PARD3: variants seen among roughly 807,000 people sequenced by gnomAD.
PARD3 encodes par-3 family cell polarity regulator, also known as partitioning defective 3 homolog.
Under a neutral mutation model 155.4 loss-of-function variants are expected in PARD3, and 75 were observed. The ratio of observed to expected loss-of-function variants is 0.48; its 90% CI spans 0.40 to 0.58. The LOEUF (loss-of-function observed/expected upper bound fraction) is 0.58. Ranked by LOEUF, PARD3 falls within the 20% of genes least tolerant of loss-of-function variation. The pLI, the probability that PARD3 is intolerant of heterozygous loss-of-function variation, is 0.00. For missense variants in PARD3, 1,642 were observed against 1,721.7 expected (o/e 0.95, Z 0.82); for synonymous variants, 576 against 610.5 (o/e 0.94, Z 0.83).
chr10:34,114,577 T>G (rs921158468), intron 24 of PARD3, among the ~76,000 whole-genome samples: 1 of 152,130 alleles, frequency 6.6e-6, no homozygotes, highest in Non-Finnish European at 1.5e-5. Flanking sequence ...ACTCCTGAAC[T>G]CAAGTGATCT....
chr10:34,512,466 C>T (rs1424371370), intron 3 of PARD3, among the ~76,000 whole-genome samples: 4 of 152,212 alleles, frequency 2.6e-5, no homozygotes, highest in African/African-American at 9.6e-5. Flanking sequence ...TCTTTCATAA[C>T]TGCCCTATTT....
At chr10:34,480,859 T>A (rs1179874477) in intron 3 of PARD3, among the ~76,000 whole-genome samples, 1 of 148,168 alleles carries the variant, frequency 6.7e-6, no homozygotes, top group African/African-American at 2.5e-5. Flanking sequence ...TGGAGTGCAG[T>A]GGCGCGATAT....
intron 22 of PARD3, among the ~76,000 whole-genome samples, chr10:34,136,875 C>CAGTA (rs1477509596): frequency 3.9e-5 from 6 of 152,110 alleles, no homozygotes; most frequent in Admixed American, 3.3e-4. Context: ...CAGAGTTTAC[C>CAGTA]AGAATCGGCA....
chr10:34,425,848 G>A (rs989637119), intron 5 of PARD3, among the ~76,000 whole-genome samples: 1 of 152,190 alleles, frequency 6.6e-6, no homozygotes, highest in African/African-American at 2.4e-5. Flanking sequence ...CAGCTTTAGT[G>A]TTTTGGGCAG....
rs535619804 is a variant in PARD3, at chr10:34,708,511, G to C, written c.121-12092C>G. On this transcript the variant is annotated intron_variant, in intron 1 of 24. Coordinates refer to ENST00000374788, the MANE Select transcript of PARD3 (RefSeq NM_001184785.2). ...TGCTTAAGTAATAAGGGTGAGAAGTGTTATAATATCTGTACTTTAGTCTCA... is the reference window on the plus strand; with the variant it reads ...TGCTTAAGTAATAAGGGTGAGAAGTCTTATAATATCTGTACTTTAGTCTCA... Among the ~76,000 whole-genome samples the C allele has an allele frequency of 4.6e-5, 7 of 152,248 alleles. No homozygotes were observed. The South Asian group carries it at 1.5e-3, about 32-fold the overall frequency.
In PARD3 at chr10:34,459,414, G is replaced by A. The variant is rs1008665927; in HGVS notation, c.583-8966C>T. ...TCTCAACCTCCTGACCTCGTGATCC[G>A]CCCGCCTCGGCCTCCCAAAGTGCTG... On this transcript the variant is annotated intron_variant, in intron 4 of 24. Coordinates refer to ENST00000374788, the MANE Select transcript of PARD3 (RefSeq NM_001184785.2). Among the ~76,000 whole-genome samples the A allele has an allele frequency of 5.3e-5, 8 of 151,692 alleles. No individual in the cohort carries two copies. In the South Asian group the frequency reaches 8.3e-4, roughly 16 times the overall value.
rs1946878587 is a variant in PARD3 at position 34,119,691 on chromosome 10, T to G, written c.3590A>C (p.Glu1197Ala). Residue 1197 changes from glutamate (E) to alanine (A), a missense_variant, in exon 24 of 25, where the codon GAG becomes GCG. Glu to Ala is a moderately radical substitution (Grantham distance 107). Coordinates refer to ENST00000374788, the MANE Select transcript of PARD3 (RefSeq NM_001184785.2). ...TQSGRHSVSV[E>A]VQMQRQRQEE... ...CTGCCGCTGCCGCTGCATCTGCACC[T>G]CCACGGACACCGAGTGTCGCCCGCT... 6.2e-7 allele frequency: 1 copy of G among 1,612,912 alleles called. No homozygotes were observed. The highest frequency in any genetic ancestry group is 8.5e-7 in the Non-Finnish European group (1 of 1,179,680).
At chr10:34,304,772 G>A (rs1957322192) in intron 20 of PARD3, among the ~76,000 whole-genome samples, 1 of 152,274 alleles carries the variant, frequency 6.6e-6, no homozygotes, top group African/African-American at 2.4e-5. Flanking sequence ...GGTGTAAAGG[G>A]GTTATTGAAA....
chr10:34,593,905 G>C (rs1039876079), intron 2 of PARD3, among the ~76,000 whole-genome samples: 2 of 152,188 alleles, frequency 1.3e-5, no homozygotes, highest in African/African-American at 4.8e-5. Context: ...GGAGATTTCT[G>C]AGAAGCCTTA....
intron 2 of PARD3, among the ~76,000 whole-genome samples, chr10:34,524,546 A>C (rs1346245387): frequency 6.6e-6 from 1 of 152,202 alleles, no homozygotes; most frequent in Non-Finnish European, 1.5e-5. Context: ...AATAGCCTTG[A>C]GTATGTCAAC....
chr10:34,761,363 A>G (rs896680697), intron 1 of PARD3, among the ~76,000 whole-genome samples: 3 of 152,208 alleles, frequency 2.0e-5, no homozygotes, highest in African/African-American at 7.2e-5. Flanking sequence ...GTGAACCACA[A>G]TCACACCACT....
At chr10:34,698,985 G>A (rs765111201) in intron 1 of PARD3, among the ~76,000 whole-genome samples, 6 of 152,108 alleles carry the variant, frequency 3.9e-5, no homozygotes, top group Admixed American at 1.3e-4. Context: ...CCTCCACGAT[G>A]CTTAACACAA....
At chr10:34,185,894 A>G (rs1660631) in intron 22 of PARD3, among the ~76,000 whole-genome samples, 30,368 of 150,058 alleles carry the variant, frequency 0.2, 3,800 homozygotes, top group Non-Finnish European at 0.26. Context: ...TATATTGCAG[A>G]GTTTTACAGT....
At chr10:34,406,248 C>T (rs148679424) in intron 5 of PARD3, among the ~76,000 whole-genome samples, 1 of 152,264 alleles carries the variant, frequency 6.6e-6, no homozygotes, top group Non-Finnish European at 1.5e-5. Context: ...ACTACATGCT[C>T]AAAAAGATCA....
chr10:34,406,799 T>C (rs752685025), intron 5 of PARD3, among the ~76,000 whole-genome samples: 35 of 141,482 alleles, frequency 2.5e-4, no homozygotes, highest in Non-Finnish European at 4.4e-4. Flanking sequence ...CAAAGCAACA[T>C]GAAAAAAAAA....
At chr10:34,359,412 C>CA (rs377313990) in intron 13 of PARD3, 95 bp from the exon 14 acceptor site, 47,074 of 612,512 alleles carry the variant, frequency 0.077, no homozygotes, top group East Asian at 0.099. Flanking sequence ...AAAAACAAAG[C>CA]AAAAAAAAAA....
intron 2 of PARD3, among the ~76,000 whole-genome samples, chr10:34,657,589 A>G (rs2093208688): frequency 6.6e-6 from 1 of 152,036 alleles, no homozygotes; most frequent in Non-Finnish European, 1.5e-5. Flanking sequence ...CCCAGACTGG[A>G]GTACAGTGGC....
intron 22 of PARD3, among the ~76,000 whole-genome samples, chr10:34,175,853 C>T (rs186721655): frequency 7.2e-5 from 11 of 152,182 alleles, no homozygotes; most frequent in Admixed American, 7.2e-4. Context: ...TTTATTCAAA[C>T]CCCCTTATAT....
chr10:34,597,920 G>A (rs1440715241), intron 2 of PARD3, among the ~76,000 whole-genome samples: 1 of 152,170 alleles, frequency 6.6e-6, no homozygotes, highest in Non-Finnish European at 1.5e-5. Context: ...GCCACTGGGT[G>A]TCAATTACTA....
Sources: allele counts gnomAD v4.1 joint callset (sites outside exome capture counted in the v4.1 genomes callset), GRCh38; gene constraint gnomAD v4.1.1; transcripts MANE v1.5; gene names NCBI Gene and HGNC (gene_info 2026-07-23, HGNC 2026-07-21).